The following PIK3CD variants were observed in gnomAD, a reference collection of about 807,000 sequenced individuals.
The protein encoded by PIK3CD is phosphatidylinositol 4,5-bisphosphate 3-kinase catalytic subunit delta isoform.
In PIK3CD, 20 loss-of-function variants were observed where a neutral mutation model predicts 122.9. The observed-to-expected ratio is 0.16, with a 90% CI of 0.11 to 0.24. PIK3CD has a LOEUF of 0.24. PIK3CD is among the 10% of genes least tolerant of loss of function. PIK3CD has a pLI of 1.00. For missense variants in PIK3CD, 787 were observed against 1,406.3 expected (o/e 0.56, Z 7.04); for synonymous variants, 596 against 593.4 (o/e 1.00, Z -0.06).
chr1:9,698,382 T>TCC (rs1002668863), intron 2 of PIK3CD, among the ~76,000 whole-genome samples: 4 of 152,242 alleles, frequency 2.6e-5, no homozygotes, highest in Non-Finnish European at 5.9e-5. Context: ...CTTCAGGTGA[T>TCC]CCACCTGCCT....
At chr1:9,644,153 C>T in the PIK3CD span, among the ~76,000 whole-genome samples, 1 of 152,160 alleles carries the variant, frequency 6.6e-6, no homozygotes, top group Non-Finnish European at 1.5e-5. Flanking sequence ...TGAGAAGAAG[C>T]TGTGAGTTGC....
rs774975013 is a variant in PIK3CD at position 9,718,859 on chromosome 1, G to A, written c.1186G>A (p.Ala396Thr). ...RMARLCFALY[A>T]VIEKAKKARS... is the part of the protein sequence containing the mutation. Reference sequence around the variant, plus strand: ...GGCCCGTCTCTGCTTTGCGCTGTACGCCGTGATCGAGAAAGCCAAGAAGGC... The same window carrying A: ...GGCCCGTCTCTGCTTTGCGCTGTACACCGTGATCGAGAAAGCCAAGAAGGC... The change falls in exon 9 of 24, where the codon GCC becomes ACC. Residue 396 changes from alanine (A) to threonine (T), a missense_variant. Ala to Thr is a moderately conservative substitution (Grantham distance 58). Coordinates refer to ENST00000377346, the MANE Select transcript of PIK3CD (RefSeq NM_005026.5). The surrounding 1 kb of genome is among the most constrained non-coding windows in gnomAD (Gnocchi z 7.2). 3.7e-6 allele frequency: 6 copies of A among 1,613,098 alleles called. No homozygotes were observed. In the South Asian group the frequency reaches 5.5e-5, roughly 15 times the overall value.
intron 23 of PIK3CD, among the ~76,000 whole-genome samples, chr1:9,726,297 A>G (rs1649575395): frequency 6.6e-6 from 1 of 152,154 alleles, no homozygotes; most frequent in African/African-American, 2.4e-5. Context: ...TCATGAGGTC[A>G]GGAGATCGAG....
chr1:9,709,012 G>A (rs1646948389), intron 2 of PIK3CD, among the ~76,000 whole-genome samples: 1 of 151,902 alleles, frequency 6.6e-6, no homozygotes, highest in South Asian at 2.1e-4. Context: ...ATGACTGGAG[G>A]GTTTGGTATG....
At chr1:9,725,182 G>T (rs1218042534) in intron 23 of PIK3CD, among the ~76,000 whole-genome samples, 1 of 152,222 alleles carries the variant, frequency 6.6e-6, no homozygotes, top group Non-Finnish European at 1.5e-5. Context: ...TCCTGGTTGG[G>T]GTGCTGTGCT....
chr1:9,682,342 G>T (rs1645787597), intron 1 of PIK3CD, among the ~76,000 whole-genome samples: 1 of 151,910 alleles, frequency 6.6e-6, no homozygotes, highest in African/African-American at 2.4e-5. Context: ...CCGCCTCCAG[G>T]GTTCTCCTGT....
Position 9,728,290 on chromosome 1 carries a change from T to C in PIK3CD, c.*1244T>C, listed in dbSNP as rs1371447795. ...TACTTAGTTTGAAATGGTGCAGGCTTAGTCTTAAGCCTCCAAAGGCCTGGA... is the reference window on the plus strand; with the variant it reads ...TACTTAGTTTGAAATGGTGCAGGCTCAGTCTTAAGCCTCCAAAGGCCTGGA... On this transcript the variant is annotated 3_prime_UTR_variant, in exon 24 of 24. Coordinates refer to ENST00000377346, the MANE Select transcript of PIK3CD (RefSeq NM_005026.5). 5 of 152,228 alleles carry C rather than the reference T, an allele frequency of 3.3e-5. No homozygotes were observed. The highest frequency in any genetic ancestry group is 3.3e-4 in the Admixed American group (5 of 15,276). 9.4% of individuals were successfully genotyped at this position (152,228 alleles called of 1,614,324 possible).
intron 1 of PIK3CD, among the ~76,000 whole-genome samples, chr1:9,688,001 G>T (rs1646037468): frequency 6.6e-6 from 1 of 152,192 alleles, no homozygotes; most frequent in Non-Finnish European, 1.5e-5. Flanking sequence ...GGAGGGAAGC[G>T]TCAGGCCTGG....
intron 2 of PIK3CD, among the ~76,000 whole-genome samples, chr1:9,693,762 C>T (rs1378753365): frequency 6.6e-6 from 1 of 151,326 alleles, no homozygotes; most frequent in African/African-American, 2.4e-5. Context: ...GACAGGAAAC[C>T]GATAGGCGAG....
chr1:9,726,795 G>A (rs992394624), intron 23 of PIK3CD, 114 bp from the exon 24 acceptor site: 8 of 1,317,290 alleles, frequency 6.1e-6, no homozygotes, highest in Non-Finnish European at 8.6e-6. Flanking sequence ...CTGAGATGCT[G>A]GGAGCTCTCT....
At chr1:9,688,803 G>C (rs960086321) in intron 1 of PIK3CD, among the ~76,000 whole-genome samples, 7 of 151,944 alleles carry the variant, frequency 4.6e-5, no homozygotes, top group Non-Finnish European at 1.0e-4. Context: ...ACCCCAGCCA[G>C]GGCAACAGAG....
In PIK3CD at chr1:9,718,625, C is replaced by A; in HGVS notation, c.1021-69C>A. 3 of 1,407,312 alleles carry A rather than the reference C, an allele frequency of 2.1e-6. No individual in the cohort carries two copies. The highest frequency in any genetic ancestry group is 1.2e-5 in the South Asian group (1 of 86,518). The allele number at this position is 1,407,312 out of a possible 1,614,324, so 87.2% of individuals were successfully genotyped here. On this transcript the variant is annotated intron_variant, in intron 8 of 23. Coordinates refer to ENST00000377346, the MANE Select transcript of PIK3CD (RefSeq NM_005026.5). The surrounding 1 kb of genome is among the most constrained non-coding windows in gnomAD (Gnocchi z 7.2). ...TGAGGACATTCAAGGGGGAGACTGA[C>A]ACCTTAAGGGGGAGGGGAGAGGGGC...
Position 9,724,493 on chromosome 1 carries a change from C to T in PIK3CD, c.2864+72C>T, listed in dbSNP as rs992531942. ...AGGGAACAGGGCAGAGGTTCCCAGG[C>T]AGGGTGCAGGATGGGGCTCAGGTCT... On this transcript the variant is annotated intron_variant, in intron 22 of 23. Coordinates refer to ENST00000377346, the MANE Select transcript of PIK3CD (RefSeq NM_005026.5). This position sits in a 1 kb window ranked among gnomAD's most constrained non-coding sequence, Gnocchi z 7.3. 5.8e-6 allele frequency: 9 copies of T among 1,550,840 alleles called. No homozygotes were observed. The highest frequency in any genetic ancestry group is 1.7e-5 in the Admixed American group (1 of 59,688).
chr1:9,727,776 A>G lies in PIK3CD; in HGVS notation c.*730A>G, dbSNP rs1489986884. On this transcript the variant is annotated 3_prime_UTR_variant, in exon 24 of 24. Transcript: ENST00000377346. Reference sequence around the variant, plus strand: ...TCACGCATGAAGGCAAAAGCAGGTCAGAAGCGAATACTCTGCCATTATCTC... The same window carrying G: ...TCACGCATGAAGGCAAAAGCAGGTCGGAAGCGAATACTCTGCCATTATCTC... The G allele has an allele frequency of 3.4e-5, 7 of 205,462 alleles. No homozygotes were observed. Among genetic ancestry groups the G allele is most frequent in the Non-Finnish European group, 9.9e-6 (1 of 100,592 alleles). The allele number at this position is 205,462 out of a possible 1,614,324, so 12.7% of individuals were successfully genotyped here. A position where few individuals can be genotyped will look rare whatever the true frequency, so the allele number is the denominator to read the frequency against.
chr1:9,685,718 G>A (rs1299311827), intron 1 of PIK3CD, among the ~76,000 whole-genome samples: 1 of 152,176 alleles, frequency 6.6e-6, no homozygotes, highest in Non-Finnish European at 1.5e-5. Flanking sequence ...AGGCTCGAGT[G>A]CAGTGACTAT....
chr1:9,650,509 A>G (rs888415224), upstream of PIK3CD, among the ~76,000 whole-genome samples: 2 of 152,160 alleles, frequency 1.3e-5, no homozygotes, highest in African/African-American at 4.8e-5. Context: ...CTGTAATCCC[A>G]GCTACTTGGG....
rs75291524 is a variant in PIK3CD at position 9,706,826 on chromosome 1, T to C, written c.-32-3598T>C. Reference sequence around the variant, plus strand: ...TTTCTTTTTTTTTTACTTTTTTCTTTTTTTTTTGAGACATGATTTTGCTGT... The same window carrying C: ...TTTCTTTTTTTTTTACTTTTTTCTTCTTTTTTTGAGACATGATTTTGCTGT... On this transcript the variant is annotated intron_variant, in intron 2 of 23. Coordinates refer to ENST00000377346, the MANE Select transcript of PIK3CD (RefSeq NM_005026.5). Among the ~76,000 whole-genome samples the C allele has an allele frequency of 2.1e-3, 316 of 152,002 alleles. 7 individuals are homozygous for C. In the South Asian group the frequency reaches 0.032, roughly 15 times the overall value.
intron 2 of PIK3CD, among the ~76,000 whole-genome samples, chr1:9,706,326 CA>C (rs373249969): frequency 0.083 from 9,633 of 116,746 alleles, 656 homozygotes; most frequent in African/African-American, 0.22. Flanking sequence ...CCCTGTACCT[CA>C]AAAAAAAAAA....
chr1:9,719,895 T>C lies in PIK3CD; in HGVS notation c.1243-26T>C. On this transcript the variant is annotated intron_variant, in intron 9 of 23. Transcript: ENST00000377346. This position sits in a 1 kb window ranked among gnomAD's most constrained non-coding sequence, Gnocchi z 5.5. ...GGGTCTGGAGGCCCCTGAGTGGCTG[T>C]CCTCACCTGCCCTGTCCTTCTGCAG... 6.2e-7 allele frequency: 1 copy of C among 1,600,830 alleles called. No homozygotes were observed. The highest frequency in any genetic ancestry group is 1.7e-5 in the Admixed American group (1 of 60,004).
Sources: gnomAD v4.1 joint callset for allele counts (sites outside exome capture counted in the v4.1 genomes callset) on GRCh38, gnomAD v4.1.1 for gene constraint, Gnocchi (gnomAD v3.1) non-coding constraint, MANE v1.5 for transcripts, NCBI Gene and HGNC (gene_info 2026-07-23, HGNC 2026-07-21) for gene names.